Variants in ATE1 observed in about 807,000 individuals in gnomAD.
The protein encoded by ATE1 is arginyltransferase 1.
In ATE1, 36 loss-of-function variants were observed where a neutral mutation model predicts 70.5. The observed-to-expected ratio is 0.51, with a 90% CI of 0.39 to 0.67. ATE1 has a LOEUF of 0.67. Ranked by LOEUF, ATE1 falls within the 30% of genes least tolerant of loss-of-function variation. The pLI is 0.00. For synonymous variants in ATE1, 232 were observed against 219.3 expected (o/e 1.06, Z -0.51); for missense variants, 593 against 629.5 (o/e 0.94, Z 0.62).
chr10:121,810,851 T>C (rs971697161), intron 10 of ATE1, among the ~76,000 whole-genome samples: 2 of 151,914 alleles, frequency 1.3e-5, no homozygotes, highest in Admixed American at 6.6e-5. Flanking sequence ...TACAAGTGCA[T>C]GCCAACATGC....
intron 7 of ATE1, among the ~76,000 whole-genome samples, chr10:121,885,076 C>T (rs954840036): frequency 6.6e-6 from 1 of 151,724 alleles, no homozygotes; most frequent in Non-Finnish European, 1.5e-5. Context: ...GCCTGGCCAA[C>T]ATGGTGAAAT....
chr10:121,758,845 G>A (rs1003635471), intron 11 of ATE1, among the ~76,000 whole-genome samples: 10 of 152,052 alleles, frequency 6.6e-5, no homozygotes, highest in Admixed American at 3.9e-4. Context: ...TACTGTAATT[G>A]GTTTGGGGTA....
intron 7 of ATE1, among the ~76,000 whole-genome samples, chr10:121,883,468 G>A (rs1253954987): frequency 6.6e-6 from 1 of 152,134 alleles, no homozygotes; most frequent in Admixed American, 6.6e-5. Context: ...AAAGAGAAAG[G>A]ATAAAGGGGA....
Position 121,894,092 on chromosome 10 carries a change from G to C in ATE1, c.942+5774C>G, listed in dbSNP as rs369662991. Reference sequence around the variant, plus strand: ...GCGGAGGTTGCAGTGAGCCAAGATTGCGCCATCGCACTCCAGCCTGGGCAA... The same window carrying C: ...GCGGAGGTTGCAGTGAGCCAAGATTCCGCCATCGCACTCCAGCCTGGGCAA... On this transcript the variant is annotated intron_variant, in intron 7 of 11. Coordinates refer to ENST00000224652, the MANE Select transcript of ATE1 (RefSeq NM_001001976.3). 1.8e-3 allele frequency among the ~76,000 whole-genome samples: 259 copies of C among 146,834 alleles called. 2 individuals are homozygous for C. Among genetic ancestry groups the C allele is most frequent in the South Asian group, 9.8e-3 (46 of 4,676 alleles).
chr10:121,847,262 C>T (rs2133836922), intron 8 of ATE1, among the ~76,000 whole-genome samples: 1 of 152,110 alleles, frequency 6.6e-6, no homozygotes, highest in Admixed American at 6.6e-5. Flanking sequence ...GCCTGGCCAA[C>T]ATAGTGAAAC....
intron 8 of ATE1, among the ~76,000 whole-genome samples, chr10:121,852,608 G>A (rs1949097122): frequency 6.6e-6 from 1 of 152,046 alleles, no homozygotes; most frequent in African/African-American, 2.4e-5. Flanking sequence ...CTACTTGGGA[G>A]GCTGAGGCAG....
intron 10 of ATE1, among the ~76,000 whole-genome samples, chr10:121,829,008 C>T (rs900841359): frequency 6.6e-6 from 1 of 152,068 alleles, no homozygotes; most frequent in Non-Finnish European, 1.5e-5. Context: ...TTGTAATTAC[C>T]TATGTCCTCC....
Position 121,823,163 on chromosome 10 carries a change from G to A in ATE1, c.1257+13555C>T, listed in dbSNP as rs189196726. ...AAATTAGCCAGGCACGGTGGCGGGC[G>A]CCTTTAGTCCCAGCTACTCAGTAGG... is the stretch of plus-strand genomic sequence containing the variant. On this transcript the variant is annotated intron_variant, in intron 10 of 11. Transcript: ENST00000224652. Among the ~76,000 whole-genome samples the A allele has an allele frequency of 2.8e-3, 422 of 152,142 alleles. 4 individuals are homozygous for A. Among genetic ancestry groups the A allele is most frequent in the African/African-American group, 9.6e-3 (400 of 41,506 alleles).
chr10:121,850,702 A>G (rs1949019237), intron 8 of ATE1, among the ~76,000 whole-genome samples: 1 of 152,228 alleles, frequency 6.6e-6, no homozygotes, highest in Non-Finnish European at 1.5e-5. Context: ...TGAGCAGGTT[A>G]TAGGATTCAA....
chr10:121,900,476 TAAC>T lies in ATE1; in HGVS notation c.814-485_814-483del, dbSNP rs561472913. ...AAGTTTTCCTACTTCATAGCATAGT[TAAC>T]AACCATGACTCTGAAGTCACATTTC... On this transcript the variant is annotated intron_variant, in intron 6 of 11. Coordinates refer to ENST00000224652, the MANE Select transcript of ATE1 (RefSeq NM_001001976.3). 2.2e-3 allele frequency among the ~76,000 whole-genome samples: 341 copies of T among 152,366 alleles called. 1 individual carries two copies. The highest frequency in any genetic ancestry group is 7.9e-3 in the African/African-American group (330 of 41,588).
intron 10 of ATE1, among the ~76,000 whole-genome samples, chr10:121,792,925 T>C (rs1188425032): frequency 6.6e-6 from 1 of 152,172 alleles, no homozygotes; most frequent in Non-Finnish European, 1.5e-5. Context: ...GGAAGAAAAC[T>C]GATGAACTAT....
Position 121,871,307 on chromosome 10 carries a change from A to G in ATE1, c.943-1269T>C, listed in dbSNP as rs147609566. Among the ~76,000 whole-genome samples the G allele has an allele frequency of 7.1e-3, 1,075 of 152,194 alleles. 24 individuals carry two copies. The highest frequency in any genetic ancestry group is 0.025 in the African/African-American group (1,017 of 41,508). Reference sequence around the variant, plus strand: ...AACCCCGTCTCTAATAAAAATACAAAAATTAGCTGTGTGTGGTAGTGGGCG... The same window carrying G: ...AACCCCGTCTCTAATAAAAATACAAGAATTAGCTGTGTGTGGTAGTGGGCG... On this transcript the variant is annotated intron_variant, in intron 7 of 11. Transcript: ENST00000224652.
rs531751879 is a variant in ATE1 at position 121,873,388 on chromosome 10, C to T, written c.943-3350G>A. Among the ~76,000 whole-genome samples the T allele has an allele frequency of 9.9e-4, 151 of 152,240 alleles. 3 individuals carry two copies. Among genetic ancestry groups the T allele is most frequent in the Non-Finnish European group, 1.6e-4 (11 of 67,980 alleles). ...CTCACGCTCCACAGCTTCTTACTGACCTTGCTTTTCTTAAAGTATTCTCAT... is the reference window on the plus strand; with the variant it reads ...CTCACGCTCCACAGCTTCTTACTGATCTTGCTTTTCTTAAAGTATTCTCAT... On this transcript the variant is annotated intron_variant, in intron 7 of 11. Coordinates refer to ENST00000224652, the MANE Select transcript of ATE1 (RefSeq NM_001001976.3).
At chr10:121,928,280 C>CT, upstream of ATE1, 2 of 1,480,788 alleles carry the variant, frequency 1.4e-6, no homozygotes, top group Non-Finnish European at 1.8e-6. Context: ...CGAGCCTGCC[C>CT]TTTCCCCCGC....
At chr10:121,892,331 A>G (rs763043188) in intron 7 of ATE1, among the ~76,000 whole-genome samples, 3 of 152,058 alleles carry the variant, frequency 2.0e-5, no homozygotes, top group Non-Finnish European at 2.9e-5. Flanking sequence ...ATGAGCCCCA[A>G]ATTTAATTAT....
intron 11 of ATE1, among the ~76,000 whole-genome samples, chr10:121,752,394 C>G (rs1175628610): frequency 1.3e-5 from 2 of 151,392 alleles, no homozygotes; most frequent in Non-Finnish European, 2.9e-5. Flanking sequence ...CCACGCCTGG[C>G]TAATTTTTGT....
At chr10:121,896,333 T>C (rs1279784616) in intron 7 of ATE1, among the ~76,000 whole-genome samples, 2 of 152,212 alleles carry the variant, frequency 1.3e-5, no homozygotes, top group African/African-American at 2.4e-5. Flanking sequence ...TAAAATGATA[T>C]GTCTGAGATT....
chr10:121,809,983 G>T (rs1947256560), intron 10 of ATE1, among the ~76,000 whole-genome samples: 1 of 152,020 alleles, frequency 6.6e-6, no homozygotes, highest in African/African-American at 2.4e-5. Context: ...TCTCCACTCT[G>T]CCCAGGTGAG....
At chr10:121,826,674 T>C (rs1241722501) in intron 10 of ATE1, among the ~76,000 whole-genome samples, 1 of 152,186 alleles carries the variant, frequency 6.6e-6, no homozygotes, top group African/African-American at 2.4e-5. Context: ...CAAAGGTGTA[T>C]CGTGTGATGT....
Sources: gnomAD v4.1 joint callset for allele counts (sites outside exome capture counted in the v4.1 genomes callset) on GRCh38, gnomAD v4.1.1 for gene constraint, MANE v1.5 for transcripts, NCBI Gene and HGNC (gene_info 2026-07-23, HGNC 2026-07-21) for gene names.